The following NID2 variants were observed in gnomAD, a reference collection of about 807,000 sequenced individuals.
NID2 encodes nidogen 2.
NID2 carries 83 observed loss-of-function variants against 145.4 expected under a neutral mutation model. The observed-to-expected ratio is 0.57, with a 90% CI of 0.48 to 0.69. The LOEUF is 0.69. Among genes scored for constraint, NID2 ranks in the 30% least tolerant of loss-of-function variants. The pLI is 0.00. For synonymous variants in NID2, 739 were observed against 701.3 expected, an observed-to-expected ratio of 1.05 and a Z score of -0.85; for missense variants, 1,807 against 1,765.7, an observed-to-expected ratio of 1.02 and a Z score of -0.42.
chr14:52,005,830 T>TTACTGA lies in NID2; in HGVS notation c.4018_4023dup (p.Ser1340_Val1341dup). On this transcript the variant is annotated inframe_insertion, in exon 21 of 22. Transcript: ENST00000216286. ...TCAGTAAACTGGCCACTATGTTTAT[T>TTACTGA]TACTGATACAACACCATCCCTGGTA... 6.2e-7 allele frequency: 1 copy of TTACTGA among 1,612,240 alleles called. No individual in the cohort carries two copies. Among genetic ancestry groups the TTACTGA allele is most frequent in the South Asian group, 1.1e-5 (1 of 91,060 alleles).
intron 19 of NID2, chr14:52,007,589 C>G: frequency 7.6e-6 from 4 of 524,298 alleles, no homozygotes; most frequent in Non-Finnish European, 1.3e-5. Flanking sequence ...GTCAGGCAAG[C>G]AGTACAAACT....
At chr14:52,007,717 A>G (rs972505276) in intron 19 of NID2, 93 bp downstream of exon 19, 5 of 1,118,658 alleles carry the variant, frequency 4.5e-6, no homozygotes, top group Non-Finnish European at 6.6e-6. Context: ...AAGGAGATCT[A>G]AGTGATGGGA....
intron 5 of NID2, among the ~76,000 whole-genome samples, chr14:52,047,527 G>A (rs999740829): frequency 4.6e-5 from 7 of 152,120 alleles, no homozygotes; most frequent in South Asian, 2.1e-4. Context: ...AGAGGGTTTC[G>A]AGCAGAAGAG....
intron 12 of NID2, among the ~76,000 whole-genome samples, chr14:52,023,172 G>A (rs1027529392): frequency 1.3e-5 from 2 of 152,198 alleles, no homozygotes. Flanking sequence ...TCATGCTTTC[G>A]TTATCAAAGA....
At position 52,006,676 on chromosome 14, in the gene NID2, G is replaced by T; in HGVS notation, c.3881-16C>A. Reference sequence around the variant, plus strand: ...TTTTTGGTTCCTTTTAAAACAAAGGGGGAAAATGAGGTCCTTCAGCTGCTT... The same window carrying T: ...TTTTTGGTTCCTTTTAAAACAAAGGTGGAAAATGAGGTCCTTCAGCTGCTT... On this transcript the variant is annotated splice_polypyrimidine_tract_variant and intron_variant, in intron 19 of 21. Transcript: ENST00000216286. 6.2e-7 allele frequency: 1 copy of T among 1,612,622 alleles called. No homozygotes were observed. The highest frequency in any genetic ancestry group is 1.1e-5 in the South Asian group (1 of 90,944).
intron 2 of NID2, among the ~76,000 whole-genome samples, chr14:52,064,291 T>A (rs1323545638): frequency 2.6e-5 from 4 of 152,194 alleles, no homozygotes; most frequent in Non-Finnish European, 5.9e-5. Flanking sequence ...AATTGGGTAA[T>A]TCACAAAGAA....
At chr14:52,053,078 G>A (rs1892727592) in intron 5 of NID2, among the ~76,000 whole-genome samples, 2 of 152,080 alleles carry the variant, frequency 1.3e-5, no homozygotes, top group African/African-American at 4.8e-5. Context: ...TTCCCTGTGG[G>A]CTCTCCTCTC....
intron 12 of NID2, among the ~76,000 whole-genome samples, chr14:52,024,558 C>T (rs935133171): frequency 3.9e-5 from 6 of 152,132 alleles, no homozygotes; most frequent in African/African-American, 1.4e-4. Flanking sequence ...AAGCACAGGA[C>T]CCAGCTGAGC....
chr14:52,048,727 A>G (rs1409548609), intron 5 of NID2, among the ~76,000 whole-genome samples: 2 of 152,208 alleles, frequency 1.3e-5, no homozygotes, highest in Non-Finnish European at 2.9e-5. Context: ...GCAGGGTCAG[A>G]CAAGAGGGTG....
At chr14:52,006,254 T>C (rs879707041) in intron 20 of NID2, 1 of 412,140 alleles carries the variant, frequency 2.4e-6, no homozygotes, top group Non-Finnish European at 4.5e-6. Flanking sequence ...CATATTTAGA[T>C]TAATATGCTC....
intron 2 of NID2, among the ~76,000 whole-genome samples, chr14:52,064,511 A>T (rs763354856): frequency 4.6e-5 from 7 of 152,186 alleles, no homozygotes; most frequent in Admixed American, 6.5e-5. Context: ...TAATCCAGTA[A>T]TCCATGAATG....
chr14:52,010,757 A>T, intron 18 of NID2, 119 bp downstream of exon 18: 1 of 956,706 alleles, frequency 1.0e-6, no homozygotes, highest in Non-Finnish European at 1.6e-6. Flanking sequence ...AATCTTTGTT[A>T]CATGAATGCA....
chr14:52,035,635 G>A (rs531435418), intron 9 of NID2, among the ~76,000 whole-genome samples: 10 of 151,928 alleles, frequency 6.6e-5, no homozygotes, highest in African/African-American at 2.2e-4. Context: ...CACTGTACCC[G>A]ATGAGAATGG....
At chr14:52,057,448 A>T (rs1892887798) in intron 3 of NID2, among the ~76,000 whole-genome samples, 1 of 152,180 alleles carries the variant, frequency 6.6e-6, no homozygotes, top group Admixed American at 6.5e-5. Flanking sequence ...TACACCCATA[A>T]TCCCTGCACT....
rs745360211 is a variant in NID2 at position 52,007,872 on chromosome 14, A to G, written c.3818T>C (p.Ile1273Thr). ...ENRRILINTD[I>T]GLPNGLTFDP... The stretch of plus-strand genomic sequence containing the variant: ...AAAGGTTAAGCCATTGGGCAATCCA[A>G]TGTCTGTATTGATCAGAATTCTTCT... Residue 1273 changes from isoleucine to threonine, a missense_variant, in exon 19 of 22, where the codon ATT (isoleucine) becomes ACT (threonine). By Grantham distance (89) the Ile-to-Thr change is moderately conservative. Coordinates refer to ENST00000216286, the MANE Select transcript of NID2 (RefSeq NM_007361.4). 6.2e-6 allele frequency: 10 copies of G among 1,613,720 alleles called. No homozygotes were observed. The highest frequency in any genetic ancestry group is 1.7e-5 in the Admixed American group (1 of 59,956).
At chr14:52,039,036 G>C (rs2140397086) in intron 8 of NID2, 59 bp from the exon 9 acceptor site, 1 of 1,244,452 alleles carries the variant, frequency 8.0e-7, no homozygotes, top group Non-Finnish European at 1.1e-6. Flanking sequence ...TTTCATGTGA[G>C]GTGGATTTTT....
intron 16 of NID2, among the ~76,000 whole-genome samples, chr14:52,012,427 C>T (rs1595002515): frequency 6.6e-6 from 1 of 152,014 alleles, no homozygotes; most frequent in Non-Finnish European, 1.5e-5. Flanking sequence ...AGTGAGACCC[C>T]GTCTAAAAAA....
rs568287931 is a variant in NID2, at chr14:52,046,008, G to C, written c.1430-3077C>G. Among the ~76,000 whole-genome samples the C allele has an allele frequency of 2.2e-4, 34 of 152,230 alleles. No individual in the cohort carries two copies. The South Asian group carries it at 6.8e-3, about 31-fold the overall frequency. ...TGTACTTCTGAACACCAAGTAAAAA[G>C]GCAATCTGCTATAGGTCTAAAGAAC... On this transcript the variant is annotated intron_variant, in intron 5 of 21. Coordinates refer to ENST00000216286, the MANE Select transcript of NID2 (RefSeq NM_007361.4).
At chr14:52,005,583 T>C (rs987550088) in intron 21 of NID2, 87 bp from the exon 22 acceptor site, 1 of 1,506,094 alleles carries the variant, frequency 6.6e-7, no homozygotes, top group Non-Finnish European at 9.1e-7. Flanking sequence ...ATTTTGTGTA[T>C]AAACTAGGTA....
Sources: allele counts gnomAD v4.1 joint callset (sites outside exome capture counted in the v4.1 genomes callset), GRCh38; gene constraint gnomAD v4.1.1; transcripts MANE v1.5; gene names NCBI Gene and HGNC (gene_info 2026-07-23, HGNC 2026-07-21).